OSBPL8: variants seen among roughly 807,000 people sequenced by gnomAD.
The protein encoded by OSBPL8 is oxysterol-binding protein-related protein 8.
A neutral mutation model predicts 125.5 loss-of-function variants in OSBPL8; 59 were observed. The ratio of observed to expected loss-of-function variants is 0.47; its 90% CI spans 0.38 to 0.58. OSBPL8 has a LOEUF of 0.58. Ranked by LOEUF, OSBPL8 falls within the 20% of genes least tolerant of loss-of-function variation. The pLI, the probability that OSBPL8 is intolerant of heterozygous loss-of-function variation, is 0.00. For synonymous variants in OSBPL8, 330 were observed against 338.9 expected (o/e 0.97, Z 0.29); for missense variants, 758 against 1,047.8 (o/e 0.72, Z 3.82).
At chr12:76,364,321 TA>T (rs1488998155) in intron 21 of OSBPL8, among the ~76,000 whole-genome samples, 1 of 152,208 alleles carries the variant, frequency 6.6e-6, no homozygotes, top group African/African-American at 2.4e-5. Flanking sequence ...TATGCAGCCA[TA>T]AAAAAGGATG....
intron 2 of OSBPL8, among the ~76,000 whole-genome samples, chr12:76,476,676 G>A (rs1715301452): frequency 6.6e-6 from 1 of 152,086 alleles, no homozygotes; most frequent in Non-Finnish European, 1.5e-5. Context: ...CAAAATAAGA[G>A]ATGCAAAAGG....
chr12:76,515,309 T>A (rs1020213598), intron 1 of OSBPL8, among the ~76,000 whole-genome samples: 5 of 151,674 alleles, frequency 3.3e-5, no homozygotes, highest in African/African-American at 4.8e-5. Context: ...TAGTGTAGAT[T>A]AAGTAGTCAA....
At chr12:76,384,670 C>T (rs1247473043) in intron 14 of OSBPL8, among the ~76,000 whole-genome samples, 1 of 152,082 alleles carries the variant, frequency 6.6e-6, no homozygotes, top group African/African-American at 2.4e-5. Context: ...GTCTCTCTGC[C>T]TATCTCTCAA....
Position 76,507,542 on chromosome 12 carries a change from G to A in OSBPL8, c.-67-19924C>T, listed in dbSNP as rs547576150. Among the ~76,000 whole-genome samples, 299 of 151,786 alleles carry A rather than the reference G, an allele frequency of 2.0e-3. 8 individuals are homozygous for A. Among genetic ancestry groups the A allele is most frequent in the African/African-American group, 6.7e-3 (275 of 41,098 alleles). Reference sequence around the variant, plus strand: ...GGATTCTCAGAAGCAAAAATGTGCCGGGTGTGGTGGCTCACACCTGTAATC... The same window carrying A: ...GGATTCTCAGAAGCAAAAATGTGCCAGGTGTGGTGGCTCACACCTGTAATC... On this transcript the variant is annotated intron_variant, in intron 1 of 23. Coordinates refer to ENST00000261183, the MANE Select transcript of OSBPL8 (RefSeq NM_020841.5).
intron 5 of OSBPL8, 57 bp downstream of exon 5, chr12:76,410,507 C>A: frequency 7.8e-7 from 1 of 1,274,120 alleles, no homozygotes; most frequent in Admixed American, 1.8e-5. Context: ...GTGTTAGTTC[C>A]CTCATCTCAA....
At chr12:76,373,462 T>C (rs1326543593) in intron 17 of OSBPL8, 29 bp from the exon 18 acceptor site, 1 of 1,479,326 alleles carries the variant, frequency 6.8e-7, no homozygotes, top group South Asian at 1.2e-5. Context: ...TTAAACATTT[T>C]ACTTTTCACT....
chr12:76,496,708 T>A (rs185860823), intron 1 of OSBPL8, among the ~76,000 whole-genome samples: 1 of 151,700 alleles, frequency 6.6e-6, no homozygotes, highest in East Asian at 1.9e-4. Context: ...GCCCAGCTAA[T>A]ATTTTGTATT....
chr12:76,541,799 T>C (rs1950652309), intron 1 of OSBPL8, among the ~76,000 whole-genome samples: 1 of 151,754 alleles, frequency 6.6e-6, no homozygotes, highest in Non-Finnish European at 1.5e-5. Context: ...GAGGCTGCAG[T>C]GAGCTGAGAT....
At chr12:76,521,742 A>G (rs1340609258) in intron 1 of OSBPL8, among the ~76,000 whole-genome samples, 4 of 152,218 alleles carry the variant, frequency 2.6e-5, no homozygotes, top group Admixed American at 2.6e-4. Context: ...TATCTACAAT[A>G]GCCAAAATTG....
chr12:76,462,433 T>C (rs1874852689), intron 2 of OSBPL8, among the ~76,000 whole-genome samples: 1 of 152,164 alleles, frequency 6.6e-6, no homozygotes, highest in Non-Finnish European at 1.5e-5. Context: ...GTTGAGGCAC[T>C]GAACAATAAT....
intron 1 of OSBPL8, among the ~76,000 whole-genome samples, chr12:76,547,978 A>G (rs538862519): frequency 2.0e-5 from 3 of 152,342 alleles, no homozygotes; most frequent in Admixed American, 1.3e-4. Flanking sequence ...GTGAAGGGAC[A>G]TAAGTGTATT....
Position 76,381,578 on chromosome 12 carries a change from C to T in OSBPL8, c.1630+2676G>A, listed in dbSNP as rs138427074. On this transcript the variant is annotated intron_variant, in intron 15 of 23. Coordinates refer to ENST00000261183, the MANE Select transcript of OSBPL8 (RefSeq NM_020841.5). ...ATTTATGATTATTATGTTATCCTGA[C>T]GTACTGAACCTTTTTATTTCATTAT... 9.1e-4 allele frequency among the ~76,000 whole-genome samples: 138 copies of T among 152,178 alleles called. 1 individual carries two copies. Among genetic ancestry groups the T allele is most frequent in the Admixed American group, 3.7e-3 (56 of 15,278 alleles).
rs777648466 is a variant in OSBPL8 at position 76,386,210 on chromosome 12, A to G, written c.1491T>C (p.Ile497=). The G allele has an allele frequency of 6.2e-7, 1 of 1,612,718 alleles. No individual in the cohort carries two copies. Among genetic ancestry groups the G allele is most frequent in the Non-Finnish European group, 8.5e-7 (1 of 1,179,322 alleles). The part of the protein sequence containing the change: ...ILGETFRCLW[I]HPRTNSKTFY... The stretch of plus-strand genomic sequence containing the variant: ...AAGTTTTGCTGTTTGTTCTGGGATG[A>G]ATCCATAAACAACGGAAAGTCTCGC... Residue 497 remains isoleucine, a synonymous_variant, in exon 14 of 24, where the codon ATT becomes ATC. Transcript: ENST00000261183.
chr12:76,488,352 A>G (rs1878372804), intron 1 of OSBPL8, among the ~76,000 whole-genome samples: 1 of 152,180 alleles, frequency 6.6e-6, no homozygotes, highest in African/African-American at 2.4e-5. Flanking sequence ...TTGCTTCTGT[A>G]TATTTCCATT....
At chr12:76,548,834 T>TGAATGGACAACCAA (rs1270818991) in intron 1 of OSBPL8, among the ~76,000 whole-genome samples, 1 of 151,820 alleles carries the variant, frequency 6.6e-6, no homozygotes, top group Non-Finnish European at 1.5e-5. Flanking sequence ...TTCTTAACCA[T>TGAATGGACAACCAA]GAATGGACAA....
intron 4 of OSBPL8, among the ~76,000 whole-genome samples, chr12:76,414,403 G>T (rs1868364538): frequency 6.7e-6 from 1 of 148,234 alleles, no homozygotes; most frequent in Non-Finnish European, 1.5e-5. Flanking sequence ...ATTGATATTG[G>T]TACATATATT....
rs1473511739 is a variant in OSBPL8 at position 76,375,294 on chromosome 12, T to C, written c.1806A>G (p.Ala602=). 1.2e-6 allele frequency: 2 copies of C among 1,609,606 alleles called. No homozygotes were observed. Among genetic ancestry groups the C allele is most frequent in the Non-Finnish European group, 1.7e-6 (2 of 1,176,760 alleles). Reference sequence around the variant, plus strand: ...TAACCTTTAGTTTAAATTCAAGTATTGCACTGTATCCAGTTTTTTGACATG... The same window carrying C: ...TAACCTTTAGTTTAAATTCAAGTATCGCACTGTATCCAGTTTTTTGACATG... ...NITCQKTGYS[A]ILEFKLKPFL... Residue 602 remains alanine, a synonymous_variant, in exon 17 of 24, where the codon GCA becomes GCG. Coordinates refer to ENST00000261183, the MANE Select transcript of OSBPL8 (RefSeq NM_020841.5).
At position 76,353,370 on chromosome 12, in the gene OSBPL8, A is replaced by G. The variant is rs1265019872; in HGVS notation, c.*2519T>C. 6.6e-6 allele frequency: 1 copy of G among 150,524 alleles called. No individual in the cohort carries two copies. The highest frequency in any genetic ancestry group is 2.4e-5 in the African/African-American group (1 of 40,948). 9.3% of individuals were successfully genotyped at this position (150,524 alleles called of 1,614,324 possible). On this transcript the variant is annotated 3_prime_UTR_variant, in exon 24 of 24. Transcript: ENST00000261183. ...TAAATGGTGGATGATGGCATAGTAC[A>G]TTTAACAGCTAAAAAGAAAATGCAC...
chr12:76,487,610 C>G lies in OSBPL8; in HGVS notation c.-59G>C. On this transcript the variant is annotated 5_prime_UTR_variant, in exon 2 of 24. Transcript: ENST00000261183. ...ATTAATGTGCAGCCATTCTGTAAAT[C>G]TGCAAATCCTAAAATAAGAAAATGA... 1 of 1,400,676 alleles carries G rather than the reference C, an allele frequency of 7.1e-7. No individual in the cohort carries two copies. The highest frequency in any genetic ancestry group is 9.7e-7 in the Non-Finnish European group (1 of 1,027,812). The allele number at this position is 1,400,676 out of a possible 1,614,324, so 86.8% of individuals were successfully genotyped here. A position where few individuals can be genotyped will look rare whatever the true frequency, so the allele number is the denominator to read the frequency against.
Sources: allele counts gnomAD v4.1 joint callset (sites outside exome capture counted in the v4.1 genomes callset), GRCh38; gene constraint gnomAD v4.1.1; transcripts MANE v1.5; gene names NCBI Gene and HGNC (gene_info 2026-07-23, HGNC 2026-07-21).